Variants in UBN2 observed in about 807,000 individuals in gnomAD.
The protein encoded by UBN2 is ubinuclein-2.
In UBN2, 35 loss-of-function variants were observed where a neutral mutation model predicts 120.2. That is an observed-to-expected ratio of 0.29 (90% confidence interval 0.22 to 0.39). The LOEUF is 0.39. Among genes scored for constraint, UBN2 ranks in the 10% least tolerant of loss-of-function variants. The probability of loss-of-function intolerance (pLI) is 1.00; values close to 1 mark genes in which losing one functional copy is unlikely to be tolerated. For synonymous variants in UBN2, 661 were observed against 648.7 expected (o/e 1.02, Z -0.29); for missense variants, 1,693 against 1,663.2 (o/e 1.02, Z -0.31).
intron 3 of UBN2, among the ~76,000 whole-genome samples, chr7:139,255,166 C>A (rs1016382937): frequency 6.6e-6 from 1 of 152,190 alleles, no homozygotes; most frequent in African/African-American, 2.4e-5. Context: ...AGAGTTCTAC[C>A]TTTTCCAGAA....
rs1198289573 is a variant in UBN2, at chr7:139,298,107, G to T, written c.*271G>T. 1.2e-5 allele frequency: 4 copies of T among 346,308 alleles called. No individual in the cohort carries two copies. The highest frequency in any genetic ancestry group is 2.1e-5 in the Non-Finnish European group (4 of 192,204). The allele number at this position is 346,308 out of a possible 1,614,324, so 21.5% of individuals were successfully genotyped here. A position where few individuals can be genotyped will look rare whatever the true frequency, so the allele number is the denominator to read the frequency against. On this transcript the variant is annotated 3_prime_UTR_variant, in exon 18 of 18. Transcript: ENST00000473989. ...TATTAACAGACTTGAAAGAGACTCA[G>T]TTGTCAAACCCACAGAAATACAAAT...
chr7:139,290,601 C>A (rs1438418704), intron 15 of UBN2, among the ~76,000 whole-genome samples: 14 of 152,116 alleles, frequency 9.2e-5, no homozygotes, highest in Non-Finnish European at 1.6e-4. Context: ...ATGATTTCAG[C>A]TTTGGATATG....
intron 2 of UBN2, among the ~76,000 whole-genome samples, chr7:139,241,921 C>G (rs1041822400): frequency 6.6e-6 from 1 of 152,052 alleles, no homozygotes; most frequent in Non-Finnish European, 1.5e-5. Flanking sequence ...TCCCTTGAAC[C>G]CAGGAGGCAG....
intron 1 of UBN2, among the ~76,000 whole-genome samples, chr7:139,234,780 G>A (rs1796118768): frequency 6.6e-6 from 1 of 152,196 alleles, no homozygotes; most frequent in Non-Finnish European, 1.5e-5. Flanking sequence ...AAAAATAAGT[G>A]ATTAAGTGTG....
chr7:139,289,740 A>G (rs1401245295), intron 15 of UBN2, among the ~76,000 whole-genome samples: 1 of 151,818 alleles, frequency 6.6e-6, no homozygotes, highest in Non-Finnish European at 1.5e-5. Flanking sequence ...TAATGCTTCA[A>G]TTACACTCCT....
At chr7:139,234,396 GA>G (rs968381802) in intron 1 of UBN2, among the ~76,000 whole-genome samples, 3 of 151,986 alleles carry the variant, frequency 2.0e-5, no homozygotes, top group African/African-American at 7.2e-5. Context: ...GTAAAACCCT[GA>G]TTTACTGGAA....
At chr7:139,242,695 C>G (rs886598386) in intron 2 of UBN2, among the ~76,000 whole-genome samples, 1 of 152,164 alleles carries the variant, frequency 6.6e-6, no homozygotes, top group African/African-American at 2.4e-5. Flanking sequence ...AATAAATTCT[C>G]TTCAGCCTTC....
the UBN2 span, among the ~76,000 whole-genome samples, chr7:139,314,811 T>G: frequency 1.3e-4 from 20 of 150,268 alleles, no homozygotes; most frequent in African/African-American, 4.9e-4. Context: ...TAACCTCCAG[T>G]GTGTTTGCTT....
In UBN2 at chr7:139,258,600, A is replaced by G. The variant is rs774176180; in HGVS notation, c.776A>G (p.Asp259Gly). ...ASDTEEDDIT[D>G]NQKHKPPKVP... ...GATACTGAAGAAGATGATATTACAG[A>G]CAACCAAAAGCACAAGCCACCCAAG... The change falls in exon 4 of 18, where the codon GAC becomes GGC. Residue 259 changes from aspartate (D) to glycine (G), a missense_variant. Asp to Gly is a moderately conservative substitution (Grantham distance 94). Around this residue, in one of 5 missense-constraint regions of UBN2, gnomAD observed 663 missense variants for 591.2 expected, o/e 1.12. Transcript: ENST00000473989. 6.2e-7 allele frequency: 1 copy of G among 1,602,624 alleles called. No individual in the cohort carries two copies. Among genetic ancestry groups the G allele is most frequent in the Non-Finnish European group, 8.5e-7 (1 of 1,173,330 alleles).
chr7:139,314,581 G>T, the UBN2 span, among the ~76,000 whole-genome samples: 4 of 152,094 alleles, frequency 2.6e-5, no homozygotes, highest in South Asian at 4.1e-4. Flanking sequence ...TGTCTCCCCG[G>T]TTCAAGCTAG....
chr7:139,319,938 T>C, the UBN2 span, among the ~76,000 whole-genome samples: 1 of 150,622 alleles, frequency 6.6e-6, no homozygotes, highest in Non-Finnish European at 1.5e-5. Flanking sequence ...TAGCTGAGTG[T>C]GGTGGCGGGT....
chr7:139,289,413 G>GATTTTTTTTTTTTTTTT (rs1797880317), intron 15 of UBN2, among the ~76,000 whole-genome samples: 1 of 130,224 alleles, frequency 7.7e-6, no homozygotes, highest in Admixed American at 8.8e-5. Flanking sequence ...TTTACATTTT[G>GATTTTTTTTTTTTTTTT]CTTTTTTTTT....
In UBN2 at chr7:139,303,588, A is replaced by G. The variant is rs936429415; in HGVS notation, c.*5752A>G. The G allele has an allele frequency of 6.6e-6, 1 of 152,196 alleles. No homozygotes were observed. 9.4% of individuals were successfully genotyped at this position (152,196 alleles called of 1,614,324 possible). ...GATTACCCATTAGACAATTGGGTATAATCATATTCACCTACCTCCCAGGGA... is the reference window on the plus strand; with the variant it reads ...GATTACCCATTAGACAATTGGGTATGATCATATTCACCTACCTCCCAGGGA... On this transcript the variant is annotated 3_prime_UTR_variant, in exon 18 of 18. Coordinates refer to ENST00000473989, the MANE Select transcript of UBN2 (RefSeq NM_173569.4).
intron 12 of UBN2, chr7:139,277,040 G>A (rs1797463027): frequency 2.0e-5 from 3 of 152,030 alleles, no homozygotes; most frequent in Admixed American, 6.6e-5. Flanking sequence ...TCCAGCCTGG[G>A]GGACAGAACA....
chr7:139,283,635 T>C lies in UBN2; in HGVS notation c.2730T>C (p.His910=), dbSNP rs1797682993. The C allele has an allele frequency of 1.9e-6, 3 of 1,614,202 alleles. No homozygotes were observed. Among genetic ancestry groups the C allele is most frequent in the Middle Eastern group, 1.6e-4 (1 of 6,062 alleles). The change falls in exon 15 of 18, where the codon CAT becomes CAC. Residue 910 remains histidine (H), a synonymous_variant. Coordinates refer to ENST00000473989, the MANE Select transcript of UBN2 (RefSeq NM_173569.4). ...SSQAQIAASS[H]ALGTSEAQDA... is the part of the protein sequence containing the mutation. Reference sequence around the variant, plus strand: ...AAGCCCAAATTGCTGCCTCTTCTCATGCTCTGGGAACATCCGAGGCCCAAG... The same window carrying C: ...AAGCCCAAATTGCTGCCTCTTCTCACGCTCTGGGAACATCCGAGGCCCAAG...
intron 15 of UBN2, among the ~76,000 whole-genome samples, chr7:139,285,939 A>ATT (rs553820858): frequency 2.0e-4 from 31 of 151,284 alleles, no homozygotes; most frequent in African/African-American, 6.8e-4. Flanking sequence ...TATTATTATT[A>ATT]TTTTTTTGAG....
intron 2 of UBN2, among the ~76,000 whole-genome samples, chr7:139,250,557 A>G (rs1309924198): frequency 7.2e-5 from 11 of 152,000 alleles, no homozygotes; most frequent in Admixed American, 7.2e-4. Flanking sequence ...AAAAAAAAAA[A>G]AAGAAGAACT....
At chr7:139,293,551 T>G (rs1798025412) in intron 16 of UBN2, 88 bp downstream of exon 16, 1 of 1,130,106 alleles carries the variant, frequency 8.8e-7, no homozygotes, top group Non-Finnish European at 1.3e-6. Context: ...AGTAGTCCAG[T>G]TGGAGTTAAT....
chr7:139,268,707 TG>T (rs1412832143), intron 7 of UBN2, among the ~76,000 whole-genome samples: 4 of 152,246 alleles, frequency 2.6e-5, no homozygotes, highest in Non-Finnish European at 5.9e-5. Context: ...GGCCTTGACC[TG>T]CCGGGCAATT....
Sources: allele counts gnomAD v4.1 joint callset (sites outside exome capture counted in the v4.1 genomes callset), GRCh38; gene constraint gnomAD v4.1.1; regional missense constraint gnomAD v4.1.1; transcripts MANE v1.5; gene names NCBI Gene and HGNC (gene_info 2026-07-23, HGNC 2026-07-21).